Variants in NUBPL observed in about 807,000 individuals in gnomAD.
The protein encoded by NUBPL is NUBP iron-sulfur cluster assembly factor, mitochondrial, also known as iron-sulfur cluster transfer protein NUBPL.
In NUBPL, 31 loss-of-function variants were observed where a neutral mutation model predicts 45.7. The observed-to-expected ratio is 0.68, with a 90% CI of 0.51 to 0.92. The LOEUF is 0.92. Among genes scored for constraint, NUBPL ranks in the 40% least tolerant of loss-of-function variants. NUBPL has a pLI of 0.00. For missense variants in NUBPL, 401 were observed against 398.7 expected (o/e 1.01, Z -0.05); for synonymous variants, 144 against 140.9 (o/e 1.02, Z -0.15).
At position 31,826,627 on chromosome 14, in the gene NUBPL, A is replaced by G; in HGVS notation, c.608-2A>G. The G allele has an allele frequency of 6.2e-7, 1 of 1,613,546 alleles. No individual in the cohort carries two copies. Among genetic ancestry groups the G allele is most frequent in the Non-Finnish European group, 8.5e-7 (1 of 1,179,430 alleles). On this transcript the variant is annotated splice_acceptor_variant, in intron 7 of 10. Transcript: ENST00000281081. LOFTEE classifies it high-confidence loss of function. The stretch of plus-strand genomic sequence containing the variant: ...AATAGTATTTTGTTTATCTTTGGCT[A>G]GGTGCTGTGATTGTCTCCACGCCCC...
chr14:31,666,000 T>C (rs149039382), intron 4 of NUBPL, among the ~76,000 whole-genome samples: 7,168 of 151,832 alleles, frequency 0.047, 214 homozygotes, highest in Admixed American at 0.066. Flanking sequence ...TTGTCTTTTT[T>C]GATCTTTGTT....
chr14:31,640,143 A>G (rs183457537), intron 4 of NUBPL, among the ~76,000 whole-genome samples: 12 of 152,284 alleles, frequency 7.9e-5, no homozygotes, highest in African/African-American at 2.9e-4. Flanking sequence ...CCGGTACCTC[A>G]GATGGAAATG....
At chr14:31,567,426 A>G (rs2033464988) in intron 3 of NUBPL, among the ~76,000 whole-genome samples, 1 of 152,186 alleles carries the variant, frequency 6.6e-6, no homozygotes, top group Non-Finnish European at 1.5e-5. Flanking sequence ...TGTCTCCAGA[A>G]ACCTGTTAGG....
chr14:31,798,685 G>A (rs1191346176), intron 7 of NUBPL, among the ~76,000 whole-genome samples: 4 of 149,838 alleles, frequency 2.7e-5, no homozygotes, highest in Admixed American at 6.7e-5. Flanking sequence ...CTGGCTACTC[G>A]GGAGGCTGAG....
chr14:31,705,450 G>A (rs1566512412), intron 6 of NUBPL, among the ~76,000 whole-genome samples: 1 of 152,182 alleles, frequency 6.6e-6, no homozygotes, highest in Non-Finnish European at 1.5e-5. Flanking sequence ...GAGCTGATTG[G>A]TCCATTTTAT....
chr14:31,613,905 A>C (rs1208255063), intron 4 of NUBPL, among the ~76,000 whole-genome samples: 1 of 152,136 alleles, frequency 6.6e-6, no homozygotes, highest in Non-Finnish European at 1.5e-5. Context: ...AAAATTAAAA[A>C]TAAAAAATTA....
chr14:31,645,871 A>T (rs2035837693), intron 4 of NUBPL, among the ~76,000 whole-genome samples: 2 of 141,400 alleles, frequency 1.4e-5, no homozygotes, highest in Non-Finnish European at 3.0e-5. Context: ...TTTTCGATAG[A>T]TTTCTCTTTT....
At chr14:31,644,234 G>A (rs887616520) in intron 4 of NUBPL, among the ~76,000 whole-genome samples, 3 of 151,806 alleles carry the variant, frequency 2.0e-5, no homozygotes, top group African/African-American at 7.3e-5. Flanking sequence ...GCATTGATAT[G>A]TTGTGTTAAG....
intron 7 of NUBPL, among the ~76,000 whole-genome samples, chr14:31,805,568 T>G (rs764490176): frequency 1.9e-4 from 29 of 152,146 alleles, no homozygotes; most frequent in Non-Finnish European, 4.0e-4. Flanking sequence ...ATACACACCA[T>G]GGAATACTGT....
intron 7 of NUBPL, among the ~76,000 whole-genome samples, chr14:31,818,686 C>G (rs545882155): frequency 6.6e-6 from 1 of 152,260 alleles, no homozygotes; most frequent in South Asian, 2.1e-4. Flanking sequence ...GTAGCTGGGA[C>G]TACAGGCGCC....
rs978130774 is a variant in NUBPL, at chr14:31,816,668, G to T, written c.608-9961G>T. Among the ~76,000 whole-genome samples the T allele has an allele frequency of 2.6e-4, 39 of 152,128 alleles. 1 individual carries two copies. The highest frequency in any genetic ancestry group is 1.3e-4 in the Admixed American group (2 of 15,264). On this transcript the variant is annotated intron_variant, in intron 7 of 10. Transcript: ENST00000281081. Reference sequence around the variant, plus strand: ...TCCTGCTTTCTCCTGTGGGCATTTAGTGCTATAAATTTCCCTCTAAACACC... The same window carrying T: ...TCCTGCTTTCTCCTGTGGGCATTTATTGCTATAAATTTCCCTCTAAACACC...
chr14:31,666,263 A>ATATATATATATATATATTTATTTATT lies in NUBPL; in HGVS notation c.383-7092_383-7091insTATATATATATATATATTTATTTATT. Among the ~76,000 whole-genome samples the ATATATATATATATATATTTATTTATT allele has an allele frequency of 1.2e-4, 13 of 111,864 alleles. No homozygotes were observed. The East Asian group carries it at 1.3e-3, about 12-fold the overall frequency. The allele number at this position is 111,864 out of a possible 152,430, so 73.4% of individuals were successfully genotyped here. ...TATATATATATATATATATATATAT[A>ATATATATATATATATATTTATTTATT]ATTTTATTTTATTTTTTTTGAGACG... On this transcript the variant is annotated intron_variant, in intron 4 of 10. Transcript: ENST00000281081.
chr14:31,626,330 C>T lies in NUBPL; in HGVS notation c.382+26951C>T, dbSNP rs183805176. On this transcript the variant is annotated intron_variant, in intron 4 of 10. Coordinates refer to ENST00000281081, the MANE Select transcript of NUBPL (RefSeq NM_025152.3). ...CTAATTTTTGTATTTTTAGTAGAGACGGGTTCACCATGTTGATCAGGCTGG... is the reference window on the plus strand; with the variant it reads ...CTAATTTTTGTATTTTTAGTAGAGATGGGTTCACCATGTTGATCAGGCTGG... Among the ~76,000 whole-genome samples, 246 of 152,020 alleles carry T rather than the reference C, an allele frequency of 1.6e-3. 1 individual carries two copies. Among genetic ancestry groups the T allele is most frequent in the African/African-American group, 5.1e-3 (211 of 41,476 alleles).
intron 8 of NUBPL, among the ~76,000 whole-genome samples, chr14:31,827,432 G>A (rs993935125): frequency 1.3e-5 from 2 of 151,260 alleles, no homozygotes; most frequent in Non-Finnish European, 2.9e-5. Context: ...TTAGAAAGAA[G>A]AACCTGTGTA....
At chr14:31,634,073 C>CT (rs950908619) in intron 4 of NUBPL, among the ~76,000 whole-genome samples, 40 of 150,340 alleles carry the variant, frequency 2.7e-4, no homozygotes, top group Admixed American at 1.5e-3. Flanking sequence ...AAAATCAGTT[C>CT]TTTTTTTTTA....
At chr14:31,736,132 T>A (rs560786298) in intron 6 of NUBPL, among the ~76,000 whole-genome samples, 39 of 152,332 alleles carry the variant, frequency 2.6e-4, no homozygotes, top group African/African-American at 8.9e-4. Context: ...GTCTGAAAAG[T>A]ATTTTGTGCA....
intron 3 of NUBPL, among the ~76,000 whole-genome samples, chr14:31,565,423 T>C (rs1165765261): frequency 6.6e-6 from 1 of 152,194 alleles, no homozygotes; most frequent in African/African-American, 2.4e-5. Context: ...AAAATTCAAA[T>C]GGAATACGTG....
At chr14:31,759,987 G>A (rs1262873560) in intron 6 of NUBPL, among the ~76,000 whole-genome samples, 2 of 150,974 alleles carry the variant, frequency 1.3e-5, no homozygotes, top group African/African-American at 4.9e-5. Context: ...ACTTAGTATG[G>A]GTTTTTTGGG....
At chr14:31,693,321 GA>G (rs1484338795) in intron 6 of NUBPL, among the ~76,000 whole-genome samples, 1 of 152,096 alleles carries the variant, frequency 6.6e-6, no homozygotes, top group Admixed American at 6.5e-5. Flanking sequence ...GGAGGCATGA[GA>G]AAAATACTTC....
Sources: allele counts gnomAD v4.1 joint callset (sites outside exome capture counted in the v4.1 genomes callset), GRCh38; gene constraint gnomAD v4.1.1; transcripts MANE v1.5; gene names NCBI Gene and HGNC (gene_info 2026-07-23, HGNC 2026-07-21).